The following HSD17B2 variants were observed in gnomAD, a reference collection of about 807,000 sequenced individuals.
HSD17B2 encodes hydroxysteroid 17-beta dehydrogenase 2.
Under a neutral mutation model 26.9 loss-of-function variants are expected in HSD17B2, and 32 were observed. The ratio of observed to expected loss-of-function variants is 1.19; its 90% CI spans 0.90 to 1.60. HSD17B2 has a LOEUF of 1.60. Among genes scored for constraint, HSD17B2 ranks in the 40% most tolerant of loss-of-function variants. The probability of loss-of-function intolerance (pLI) is 0.00; values close to 1 mark genes in which losing one functional copy is unlikely to be tolerated. For missense variants in HSD17B2, 613 were observed against 468.6 expected, an observed-to-expected ratio of 1.31 and a Z score of -2.85; for synonymous variants, 246 against 186.7, an observed-to-expected ratio of 1.32 and a Z score of -2.59.
At chr16:82,091,189 T>A (rs758646472) in intron 4 of HSD17B2, 150 bp downstream of exon 4, 2 of 796,096 alleles carry the variant, frequency 2.5e-6, no homozygotes, top group Admixed American at 1.8e-5. Flanking sequence ...ACAGGTTTGA[T>A]TCAGTAACTG....
chr16:82,077,772 A>AAAGG (rs1355938173), intron 3 of HSD17B2, among the ~76,000 whole-genome samples: 155 of 152,002 alleles, frequency 1.0e-3, no homozygotes, highest in South Asian at 3.7e-3. Flanking sequence ...AGAAAGAAAG[A>AAAGG]AAGGAAGGAA....
At chr16:82,081,653 A>G (rs555572183) in intron 3 of HSD17B2, among the ~76,000 whole-genome samples, 83 of 152,316 alleles carry the variant, frequency 5.4e-4, no homozygotes, top group Middle Eastern at 6.8e-3. Context: ...TAATTCTCAC[A>G]AAGTTCTTAG....
At chr16:82,058,001 A>G (rs1471792556) in intron 1 of HSD17B2, among the ~76,000 whole-genome samples, 1 of 152,306 alleles carries the variant, frequency 6.6e-6, no homozygotes, top group Admixed American at 6.5e-5. Context: ...ATAATAATGT[A>G]TCAATATTGG....
At chr16:82,039,703 C>T (rs1913718044) in intron 1 of HSD17B2, among the ~76,000 whole-genome samples, 1 of 152,164 alleles carries the variant, frequency 6.6e-6, no homozygotes, top group Admixed American at 6.5e-5. Flanking sequence ...GCAGGAGATG[C>T]ACAGGTAACT....
intron 3 of HSD17B2, among the ~76,000 whole-genome samples, chr16:82,084,887 C>G (rs148100223): frequency 5.6e-4 from 86 of 152,318 alleles, no homozygotes; most frequent in Non-Finnish European, 1.0e-3. Flanking sequence ...CACATGCCAT[C>G]ACATCTGCTA....
At chr16:82,098,050 ACT>A (rs767309421) in intron 4 of HSD17B2, 23 bp from the exon 5 acceptor site, 21 of 1,590,626 alleles carry the variant, frequency 1.3e-5, no homozygotes, top group African/African-American at 1.3e-5. Flanking sequence ...CCAGGATCTG[ACT>A]CTTCCCTTTC....
chr16:82,071,593 G>C (rs1559430), intron 3 of HSD17B2: 3 of 281,158 alleles, frequency 1.1e-5, no homozygotes, highest in South Asian at 3.8e-5. Flanking sequence ...ATTGTCCCCA[G>C]TGTTGAGCAG....
At chr16:82,068,896 A>T (rs895586328) in intron 2 of HSD17B2, among the ~76,000 whole-genome samples, 14 of 152,000 alleles carry the variant, frequency 9.2e-5, no homozygotes, top group Non-Finnish European at 1.8e-4. Flanking sequence ...TAGCCTGAAG[A>T]CCCAGGTTTT....
intron 1 of HSD17B2, 72 bp downstream of exon 1, chr16:82,035,761 C>T: frequency 6.8e-7 from 1 of 1,469,970 alleles, no homozygotes; most frequent in Non-Finnish European, 9.3e-7. Context: ...AGGACTTTGT[C>T]AAATCTGGCT....
chr16:82,097,958 AAAT>A, intron 4 of HSD17B2, 114 bp from the exon 5 acceptor site: 23 of 930,828 alleles, frequency 2.5e-5, no homozygotes, highest in South Asian at 8.0e-5. Context: ...AAAAATAAAA[AAAT>A]AAATAAATAA....
intron 1 of HSD17B2, among the ~76,000 whole-genome samples, chr16:82,064,981 T>A (rs1474484463): frequency 6.6e-6 from 1 of 152,158 alleles, no homozygotes; most frequent in Non-Finnish European, 1.5e-5. Context: ...ATTCCACATT[T>A]CTGAAAGAGA....
At chr16:82,058,148 G>A (rs553830380) in intron 1 of HSD17B2, among the ~76,000 whole-genome samples, 1 of 150,498 alleles carries the variant, frequency 6.6e-6, no homozygotes, top group South Asian at 2.1e-4. Flanking sequence ...CATGCTCACT[G>A]CAGCCTCAAC....
At chr16:82,038,372 T>TG (rs1277258765) in intron 1 of HSD17B2, among the ~76,000 whole-genome samples, 1 of 152,160 alleles carries the variant, frequency 6.6e-6, no homozygotes, top group Non-Finnish European at 1.5e-5. Context: ...TTTTTTGAGA[T>TG]GGGGTCTCAA....
At chr16:82,035,836 T>C in intron 1 of HSD17B2, 147 bp downstream of exon 1, 2 of 868,836 alleles carry the variant, frequency 2.3e-6, no homozygotes, top group Non-Finnish European at 3.5e-6. Flanking sequence ...CATGACACTG[T>C]TTTCGTTCCG....
intron 2 of HSD17B2, among the ~76,000 whole-genome samples, chr16:82,069,362 C>CTTT (rs1914645632): frequency 2.0e-5 from 3 of 152,196 alleles, no homozygotes; most frequent in Admixed American, 1.3e-4. Context: ...GTGACTAGGG[C>CTTT]TGCAACGAAT....
At chr16:82,067,966 C>A (rs1914610631) in intron 1 of HSD17B2, among the ~76,000 whole-genome samples, 1 of 152,164 alleles carries the variant, frequency 6.6e-6, no homozygotes, top group South Asian at 2.1e-4. Flanking sequence ...TATATTATGC[C>A]CCTTTCTTTA....
intron 4 of HSD17B2, chr16:82,093,350 T>C (rs943360202): frequency 6.6e-6 from 1 of 152,224 alleles, no homozygotes; most frequent in Non-Finnish European, 1.5e-5. Flanking sequence ...GCACTTTCAA[T>C]GGAATCAATA....
At chr16:82,097,956 A>T (rs1904901907) in intron 4 of HSD17B2, 119 bp from the exon 5 acceptor site, 2 of 925,544 alleles carry the variant, frequency 2.2e-6, no homozygotes, top group Non-Finnish European at 1.5e-6. Context: ...AAAAAAATAA[A>T]AAAATAAATA....
intron 1 of HSD17B2, among the ~76,000 whole-genome samples, chr16:82,061,990 A>G (rs1280761803): frequency 6.6e-6 from 1 of 152,172 alleles, no homozygotes; most frequent in African/African-American, 2.4e-5. Context: ...AGAACTCCCA[A>G]ACACGCGTTA....
Sources: gnomAD v4.1 joint callset for allele counts (sites outside exome capture counted in the v4.1 genomes callset) on GRCh38, gnomAD v4.1.1 for gene constraint, MANE v1.5 for transcripts, NCBI Gene and HGNC (gene_info 2026-07-23, HGNC 2026-07-21) for gene names.